Variants in SLC24A3 observed in about 807,000 individuals in gnomAD.
SLC24A3 encodes the protein sodium/potassium/calcium exchanger 3.
A neutral mutation model predicts 75.8 loss-of-function variants in SLC24A3; 28 were observed. The observed-to-expected ratio is 0.37, with a 90% CI of 0.27 to 0.51. The LOEUF (loss-of-function observed/expected upper bound fraction) is 0.51, where lower values mean the gene tolerates loss of function less well. SLC24A3 is among the 20% of genes least tolerant of loss of function. The pLI is 0.94. For missense variants in SLC24A3, 663 were observed against 847.8 expected (o/e 0.78, Z 2.71); for synonymous variants, 372 against 334.1 (o/e 1.11, Z -1.24).
chr20:19,503,345 A>C (rs1195894907), intron 2 of SLC24A3, among the ~76,000 whole-genome samples: 1 of 152,212 alleles, frequency 6.6e-6, no homozygotes, highest in Non-Finnish European at 1.5e-5. Flanking sequence ...TTTTGGTTTG[A>C]ATTAATTATG....
chr20:19,719,465 G>A (rs757824651), intron 16 of SLC24A3, among the ~76,000 whole-genome samples: 5 of 152,012 alleles, frequency 3.3e-5, no homozygotes, highest in Non-Finnish European at 7.4e-5. Context: ...CATGCAGGGT[G>A]GAGTTGACCT....
chr20:19,467,586 A>G (rs903365379), intron 2 of SLC24A3, among the ~76,000 whole-genome samples: 3 of 152,166 alleles, frequency 2.0e-5, no homozygotes, highest in African/African-American at 7.2e-5. Flanking sequence ...CAGTTAGAAA[A>G]TGAGCCCTTT....
chr20:19,237,015 G>A (rs147979325), intron 1 of SLC24A3, among the ~76,000 whole-genome samples: 19 of 152,270 alleles, frequency 1.2e-4, no homozygotes, highest in Non-Finnish European at 2.4e-4. Context: ...GCCTTGCAAC[G>A]AACTTTAAAA....
intron 2 of SLC24A3, among the ~76,000 whole-genome samples, chr20:19,461,537 T>C (rs1332970330): frequency 6.7e-5 from 9 of 133,356 alleles, no homozygotes; most frequent in African/African-American, 1.9e-4. Flanking sequence ...TTCTTTTTTT[T>C]TTTTTTTTTT....
intron 2 of SLC24A3, among the ~76,000 whole-genome samples, chr20:19,372,240 T>C (rs1420493456): frequency 6.6e-6 from 1 of 152,180 alleles, no homozygotes; most frequent in Non-Finnish European, 1.5e-5. Context: ...TATATCTGTA[T>C]TTGTTTGGAA....
intron 9 of SLC24A3, among the ~76,000 whole-genome samples, chr20:19,678,341 C>CT (rs2032555222): frequency 1.2e-5 from 1 of 80,034 alleles, no homozygotes; most frequent in Non-Finnish European, 2.5e-5. Context: ...GGGGGGCTGA[C>CT]CCCCCCCACC....
intron 6 of SLC24A3, among the ~76,000 whole-genome samples, chr20:19,637,258 G>T (rs1230813712): frequency 6.6e-6 from 1 of 152,228 alleles, no homozygotes; most frequent in Non-Finnish European, 1.5e-5. Flanking sequence ...CCAAGATCGT[G>T]CCACTGCACT....
chr20:19,236,756 A>C (rs1159189352), intron 1 of SLC24A3, among the ~76,000 whole-genome samples: 2 of 152,166 alleles, frequency 1.3e-5, no homozygotes, highest in African/African-American at 2.4e-5. Flanking sequence ...ACCCTGTCTC[A>C]AAAACAAAAC....
chr20:19,223,080 G>A (rs972991374), intron 1 of SLC24A3, among the ~76,000 whole-genome samples: 6 of 152,044 alleles, frequency 3.9e-5, no homozygotes, highest in African/African-American at 4.8e-5. Flanking sequence ...ATCATCTGAG[G>A]TCAGGAGTTC....
chr20:19,496,884 G>T (rs1023184374), intron 2 of SLC24A3, among the ~76,000 whole-genome samples: 1 of 152,166 alleles, frequency 6.6e-6, no homozygotes, highest in African/African-American at 2.4e-5. Context: ...ACTTTCAGAG[G>T]AGTTTGTGGG....
rs144292232 is a variant in SLC24A3 at position 19,307,431 on chromosome 20, G to C, written c.271+26344G>C. On this transcript the variant is annotated intron_variant, in intron 2 of 16. Coordinates refer to ENST00000328041, the MANE Select transcript of SLC24A3 (RefSeq NM_020689.4). ...AAATCTGTCTTTATGTAGATGAAAA[G>C]CTTCATGTAGATGAGAAAAGATAAA... Among the ~76,000 whole-genome samples the C allele has an allele frequency of 7.9e-3, 1,196 of 152,240 alleles. 11 individuals are homozygous for C. Among genetic ancestry groups the C allele is most frequent in the Non-Finnish European group, 0.012 (784 of 67,994 alleles).
intron 1 of SLC24A3, among the ~76,000 whole-genome samples, chr20:19,236,976 G>C (rs16980233): frequency 0.13 from 20,330 of 152,096 alleles, 1,384 homozygotes; most frequent in African/African-American, 0.16. Context: ...TATTCTCCAA[G>C]GAACTACCTA....
intron 3 of SLC24A3, among the ~76,000 whole-genome samples, chr20:19,529,550 T>C (rs1338907731): frequency 6.6e-6 from 1 of 152,216 alleles, no homozygotes; most frequent in African/African-American, 2.4e-5. Context: ...AGCTCACTGA[T>C]GGATCTCACC....
At chr20:19,639,020 A>G (rs928242889) in intron 6 of SLC24A3, among the ~76,000 whole-genome samples, 1 of 152,180 alleles carries the variant, frequency 6.6e-6, no homozygotes, top group Non-Finnish European at 1.5e-5. Context: ...GTGGGTTGCC[A>G]CTGCTGGCTC....
intron 2 of SLC24A3, among the ~76,000 whole-genome samples, chr20:19,438,311 G>A (rs909108134): frequency 6.6e-6 from 1 of 152,200 alleles, no homozygotes. Flanking sequence ...CTTTCCTTCT[G>A]GGAGGACTGA....
At chr20:19,524,900 A>G (rs1025109824) in intron 3 of SLC24A3, among the ~76,000 whole-genome samples, 2 of 152,180 alleles carry the variant, frequency 1.3e-5, no homozygotes, top group African/African-American at 4.8e-5. Flanking sequence ...GTCTTAGCAA[A>G]TATTCAGCAA....
chr20:19,465,672 T>C (rs188026252), intron 2 of SLC24A3, among the ~76,000 whole-genome samples: 1 of 152,236 alleles, frequency 6.6e-6, no homozygotes, highest in East Asian at 1.9e-4. Flanking sequence ...GCAGACAAAA[T>C]TGATGTGGCT....
chr20:19,685,155 T>A lies in SLC24A3; in HGVS notation c.1118T>A (p.Ile373Asn), dbSNP rs1420488877. 3 of 1,613,642 alleles carry A rather than the reference T, an allele frequency of 1.9e-6. No homozygotes were observed. The highest frequency in any genetic ancestry group is 8.5e-7 in the Non-Finnish European group (1 of 1,179,774). The change falls in exon 12 of 17, where the codon ATC (isoleucine) becomes AAC (asparagine). Residue 373 changes from isoleucine to asparagine, a missense_variant. Transcript: ENST00000328041. ...ACCAACGGGGAATCTGAGGTGGCCA[T>A]CAAAATCCCAATTAAGCACACCGTG... ...AYTNGESEVA[I>N]KIPIKHTVEN...
At chr20:19,530,241 T>G (rs1046058434) in intron 3 of SLC24A3, among the ~76,000 whole-genome samples, 3 of 152,242 alleles carry the variant, frequency 2.0e-5, no homozygotes, top group African/African-American at 7.2e-5. Context: ...CAGAGACTTT[T>G]GTTTTCTATT....
Sources: gnomAD v4.1 joint callset for allele counts (sites outside exome capture counted in the v4.1 genomes callset) on GRCh38, gnomAD v4.1.1 for gene constraint, MANE v1.5 for transcripts, NCBI Gene and HGNC (gene_info 2026-07-23, HGNC 2026-07-21) for gene names.